LINGO2: variants seen among roughly 807,000 people sequenced by gnomAD.
LINGO2 encodes leucine rich repeat and Ig domain containing 2, also known as leucine-rich repeat and immunoglobulin-like domain-containing nogo receptor-interacting protein 2.
A neutral mutation model predicts 30.6 loss-of-function variants in LINGO2; 14 were observed. The ratio of observed to expected loss-of-function variants is 0.46; its 90% CI spans 0.30 to 0.72. LINGO2 has a LOEUF of 0.72. Ranked by LOEUF, LINGO2 falls within the 30% of genes least tolerant of loss-of-function variation. The pLI is 0.07. For synonymous variants in LINGO2, 317 were observed against 288.5 expected (o/e 1.10, Z -1.00); for missense variants, 729 against 751.7 (o/e 0.97, Z 0.35).
intron 2 of LINGO2, among the ~76,000 whole-genome samples, chr9:28,431,029 T>TGAGAGAGAGAGAGAGAGAGA (rs57751993): frequency 1.9e-4 from 25 of 129,354 alleles, no homozygotes; most frequent in South Asian, 5.3e-4. Context: ...GCATGAGTGA[T>TGAGAGAGAGAGAGAGAGAGA]GAGAGAGAGA....
At chr9:28,373,035 C>T (rs1446132899) in intron 2 of LINGO2, among the ~76,000 whole-genome samples, 167 bp from the exon 5 acceptor site, 1 of 151,768 alleles carries the variant, frequency 6.6e-6, no homozygotes, top group Non-Finnish European at 1.5e-5. Flanking sequence ...TGATAAAACT[C>T]TTTTTCTCCT....
chr9:28,836,823 T>A, the LINGO2 span, among the ~76,000 whole-genome samples: 1 of 152,276 alleles, frequency 6.6e-6, no homozygotes, highest in Middle Eastern at 3.4e-3. Flanking sequence ...TAGAATATAA[T>A]TCTATTTAAT....
chr9:28,271,624 C>T (rs1822943625), intron 4 of LINGO2, among the ~76,000 whole-genome samples: 1 of 152,096 alleles, frequency 6.6e-6, no homozygotes, highest in African/African-American at 2.4e-5. Context: ...CAAGAATCAG[C>T]CTTCTAAGAT....
At chr9:28,364,375 C>A (rs559765487) in intron 3 of LINGO2, among the ~76,000 whole-genome samples, 2 of 151,118 alleles carry the variant, frequency 1.3e-5, no homozygotes, top group Non-Finnish European at 2.9e-5. Context: ...TTTTCTAACA[C>A]GGATACAAGG....
intron 4 of LINGO2, among the ~76,000 whole-genome samples, chr9:28,190,664 G>A (rs7863243): frequency 0.032 from 4,819 of 152,180 alleles, 240 homozygotes; most frequent in African/African-American, 0.11. Context: ...TTAGAATTGT[G>A]AGAATTAAAT....
At chr9:28,970,485 G>C in the LINGO2 span, among the ~76,000 whole-genome samples, 1 of 152,100 alleles carries the variant, frequency 6.6e-6, no homozygotes, top group South Asian at 2.1e-4. Flanking sequence ...AGGCAATGAA[G>C]AGGTAGAAAA....
At chr9:28,570,044 G>A (rs1823603191) in intron 1 of LINGO2, among the ~76,000 whole-genome samples, 1 of 151,814 alleles carries the variant, frequency 6.6e-6, no homozygotes. Flanking sequence ...ATAAACTGAC[G>A]GGAAGGGTGA....
the LINGO2 span, among the ~76,000 whole-genome samples, chr9:28,893,379 T>C: frequency 2.0e-5 from 3 of 152,162 alleles, no homozygotes; most frequent in Admixed American, 6.6e-5. Context: ...CCCATTACAA[T>C]GCTGCAATTA....
At chr9:28,533,589 G>T (rs975838127) in intron 1 of LINGO2, among the ~76,000 whole-genome samples, 3 of 152,148 alleles carry the variant, frequency 2.0e-5, no homozygotes, top group Non-Finnish European at 2.9e-5. Context: ...TTGATGAATC[G>T]CAATAGGTGT....
intron 2 of LINGO2, among the ~76,000 whole-genome samples, chr9:28,439,472 C>T (rs1031604485): frequency 2.9e-4 from 44 of 152,114 alleles, no homozygotes; most frequent in African/African-American, 9.9e-4. Flanking sequence ...AAATTCATGT[C>T]GGTTTGTAAT....
upstream of LINGO2, among the ~76,000 whole-genome samples, chr9:28,675,039 A>C (rs1829164599): frequency 6.6e-6 from 1 of 152,284 alleles, no homozygotes; most frequent in East Asian, 1.9e-4. Flanking sequence ...TTTTCTTTTC[A>C]GTTACAGAAG....
chr9:29,201,514 A>G, the LINGO2 span, among the ~76,000 whole-genome samples: 1 of 152,054 alleles, frequency 6.6e-6, no homozygotes, highest in Non-Finnish European at 1.5e-5. Context: ...AAACTACAAT[A>G]GTCAATTTGT....
intron 2 of LINGO2, among the ~76,000 whole-genome samples, chr9:28,441,149 T>C (rs150291865): frequency 2.1e-4 from 32 of 151,022 alleles, no homozygotes; most frequent in African/African-American, 7.0e-4. Flanking sequence ...CACCAGTTGC[T>C]GAGGCACCTT....
At chr9:28,229,801 G>A (rs1821295970) in intron 4 of LINGO2, among the ~76,000 whole-genome samples, 2 of 151,904 alleles carry the variant, frequency 1.3e-5, no homozygotes, top group South Asian at 2.1e-4. Context: ...AGGAATAAAC[G>A]CTGAACTTTG....
At chr9:28,372,219 T>C (rs998498120) in intron 3 of LINGO2, among the ~76,000 whole-genome samples, 2 of 152,242 alleles carry the variant, frequency 1.3e-5, no homozygotes, top group Non-Finnish European at 2.9e-5. Flanking sequence ...CACTTAAGTC[T>C]ATGTTGTACT....
At chr9:28,804,317 C>T in the LINGO2 span, among the ~76,000 whole-genome samples, 1 of 152,066 alleles carries the variant, frequency 6.6e-6, no homozygotes, top group African/African-American at 2.4e-5. Context: ...TCGAAAGGAA[C>T]ATTTGCAAGA....
At chr9:29,047,021 C>T in the LINGO2 span, among the ~76,000 whole-genome samples, 1 of 139,246 alleles carries the variant, frequency 7.2e-6, no homozygotes, top group Non-Finnish European at 1.6e-5. Context: ...CCACCCTGGG[C>T]AACAGAACAA....
chr9:28,064,450 G>T (rs1038459315), intron 4 of LINGO2, among the ~76,000 whole-genome samples: 4 of 152,116 alleles, frequency 2.6e-5, no homozygotes, highest in African/African-American at 9.7e-5. Context: ...GCTTGTCTCG[G>T]TATAGTAACC....
At chr9:28,991,303 G>A in the LINGO2 span, among the ~76,000 whole-genome samples, 1 of 151,172 alleles carries the variant, frequency 6.6e-6, no homozygotes, top group South Asian at 2.1e-4. Flanking sequence ...AGCGAGAAGG[G>A]AAGTTTAGAG....
Sources: allele counts gnomAD v4.1 joint callset (sites outside exome capture counted in the v4.1 genomes callset), GRCh38; gene constraint gnomAD v4.1.1; transcripts MANE v1.5; gene names NCBI Gene and HGNC (gene_info 2026-07-23, HGNC 2026-07-21).